The following GRM3 variants were observed in gnomAD, a reference collection of about 807,000 sequenced individuals.
The protein encoded by GRM3 is metabotropic glutamate receptor 3.
In GRM3, 26 loss-of-function variants were observed where a neutral mutation model predicts 70.5. The observed-to-expected ratio is 0.37, with a 90% CI of 0.27 to 0.51. The LOEUF (loss-of-function observed/expected upper bound fraction) is 0.51. GRM3 is among the 20% of genes least tolerant of loss of function. GRM3 has a pLI of 0.93. For missense variants in GRM3, 859 were observed against 1,123.8 expected (o/e 0.76, Z 3.37); for synonymous variants, 443 against 434.9 (o/e 1.02, Z -0.23).
At chr7:86,774,726 C>T (rs1796842450) in intron 2 of GRM3, among the ~76,000 whole-genome samples, 2 of 152,092 alleles carry the variant, frequency 1.3e-5, no homozygotes, top group African/African-American at 2.4e-5. Context: ...TTCCCAGGCA[C>T]AGTGCCTCCA....
At chr7:86,767,156 G>A (rs1796618857) in intron 2 of GRM3, among the ~76,000 whole-genome samples, 1 of 151,868 alleles carries the variant, frequency 6.6e-6, no homozygotes, top group Non-Finnish European at 1.5e-5. Context: ...AGATTGCAGT[G>A]AGCCAAGATC....
At chr7:86,670,183 A>G (rs1794135635) in intron 1 of GRM3, among the ~76,000 whole-genome samples, 1 of 152,220 alleles carries the variant, frequency 6.6e-6, no homozygotes, top group African/African-American at 2.4e-5. Context: ...ACTAAGGCCT[A>G]CAAAAATTTG....
intron 2 of GRM3, among the ~76,000 whole-genome samples, chr7:86,767,795 C>T (rs1796644905): frequency 6.6e-6 from 1 of 151,820 alleles, no homozygotes; most frequent in South Asian, 2.1e-4. Context: ...AAACTGTGCC[C>T]TGCAAATGGC....
intron 3 of GRM3, among the ~76,000 whole-genome samples, chr7:86,810,205 T>A: frequency 6.6e-6 from 1 of 151,994 alleles, no homozygotes; most frequent in East Asian, 1.9e-4. Context: ...GTTTACTCAA[T>A]CTCATTCTTT....
At chr7:86,703,744 C>G (rs1418800500) in intron 1 of GRM3, among the ~76,000 whole-genome samples, 1 of 151,926 alleles carries the variant, frequency 6.6e-6, no homozygotes, top group Non-Finnish European at 1.5e-5. Flanking sequence ...ACGGCACAGT[C>G]AGAACATCAG....
intron 2 of GRM3, among the ~76,000 whole-genome samples, chr7:86,769,803 T>C (rs1159939170): frequency 6.6e-6 from 1 of 152,148 alleles, no homozygotes; most frequent in African/African-American, 2.4e-5. Context: ...ACAACAGTAT[T>C]GATTTCTTAA....
chr7:86,689,760 C>A (rs1794654944), intron 1 of GRM3, among the ~76,000 whole-genome samples: 1 of 152,020 alleles, frequency 6.6e-6, no homozygotes, highest in African/African-American at 2.4e-5. Flanking sequence ...CCTTGATGGA[C>A]AAAACATTAC....
In GRM3 at chr7:86,765,481, T is replaced by C; in HGVS notation, c.336T>C (p.Phe112=). 1 of 1,613,952 alleles carries C rather than the reference T, an allele frequency of 6.2e-7. No individual in the cohort carries two copies. The highest frequency in any genetic ancestry group is 8.5e-7 in the Non-Finnish European group (1 of 1,179,900). ...ATGCATTGGAGCAATCACTGGAGTT[T>C]GTCAGGGCATCTTTGACAAAAGTGG... is the stretch of plus-strand genomic sequence containing the variant. ...DTYALEQSLE[F]VRASLTKVDE... Residue 112 remains phenylalanine (F), a synonymous_variant, in exon 2 of 6, where the codon TTT becomes TTC. Coordinates refer to ENST00000361669, the MANE Select transcript of GRM3 (RefSeq NM_000840.3).
intron 1 of GRM3, among the ~76,000 whole-genome samples, chr7:86,741,750 C>T (rs966249171): frequency 6.6e-6 from 1 of 152,050 alleles, no homozygotes; most frequent in Non-Finnish European, 1.5e-5. Context: ...TCAAAATATC[C>T]AGCTCTGGAA....
chr7:86,813,553 A>T (rs1797956275), intron 3 of GRM3, among the ~76,000 whole-genome samples: 1 of 151,790 alleles, frequency 6.6e-6, no homozygotes, highest in Non-Finnish European at 1.5e-5. Context: ...AGTTCACCTT[A>T]GCATGCTAGC....
intron 1 of GRM3, among the ~76,000 whole-genome samples, chr7:86,724,210 T>C (rs1006441006): frequency 2.6e-5 from 4 of 152,052 alleles, no homozygotes; most frequent in Non-Finnish European, 5.9e-5. Context: ...AGAATGCTCT[T>C]ATCATTCTTG....
rs549722160 is a variant in GRM3 at position 86,688,733 on chromosome 7, G to GAT, written c.-141+43872_-141+43873dup. ...TATGATATATATCTCTTACATATAT[G>GAT]ATATATATATATCGTATATATATAT... On this transcript the variant is annotated intron_variant, in intron 1 of 5. Transcript: ENST00000361669. Among the ~76,000 whole-genome samples, 1,088 of 145,680 alleles carry GAT rather than the reference G, an allele frequency of 7.5e-3. 13 individuals are homozygous for GAT. The highest frequency in any genetic ancestry group is 0.022 in the African/African-American group (894 of 39,818).
At chr7:86,712,233 G>C (rs953001710) in intron 1 of GRM3, among the ~76,000 whole-genome samples, 2 of 151,916 alleles carry the variant, frequency 1.3e-5, no homozygotes, top group Non-Finnish European at 2.9e-5. Flanking sequence ...AGCTGTATTT[G>C]TAAGCCATTC....
At chr7:86,698,792 G>C (rs1794888133) in intron 1 of GRM3, among the ~76,000 whole-genome samples, 1 of 152,004 alleles carries the variant, frequency 6.6e-6, no homozygotes, top group African/African-American at 2.4e-5. Context: ...AAGGGCCATA[G>C]CAGCAGTAGC....
At chr7:86,663,107 C>T (rs946504643) in intron 1 of GRM3, among the ~76,000 whole-genome samples, 2 of 151,706 alleles carry the variant, frequency 1.3e-5, no homozygotes, top group Non-Finnish European at 2.9e-5. Flanking sequence ...TATCTAGTAA[C>T]AGAGACCATT....
At position 86,758,327 on chromosome 7, in the gene GRM3, G is replaced by T. The variant is rs551701223; in HGVS notation, c.-140-6679G>T. Among the ~76,000 whole-genome samples the T allele has an allele frequency of 6.4e-4, 97 of 152,238 alleles. 1 individual carries two copies. Among genetic ancestry groups the T allele is most frequent in the African/African-American group, 1.9e-3 (79 of 41,548 alleles). ...CATTTTGTCCAGAGCTAGAGAGAAAGCTTTTGAGAAATCCAGTTTCTACAC... is the reference window on the plus strand; with the variant it reads ...CATTTTGTCCAGAGCTAGAGAGAAATCTTTTGAGAAATCCAGTTTCTACAC... On this transcript the variant is annotated intron_variant, in intron 1 of 5. Transcript: ENST00000361669.
chr7:86,766,700 T>A (rs1193841608), intron 2 of GRM3, among the ~76,000 whole-genome samples: 1 of 152,118 alleles, frequency 6.6e-6, no homozygotes, highest in African/African-American at 2.4e-5. Flanking sequence ...AAGTTTAGTA[T>A]TTTTTCTGAT....
At chr7:86,663,011 A>G (rs1453816191) in intron 1 of GRM3, among the ~76,000 whole-genome samples, 1 of 152,022 alleles carries the variant, frequency 6.6e-6, no homozygotes, top group Non-Finnish European at 1.5e-5. Flanking sequence ...AAAGAAATAT[A>G]TCTTAATACA....
At chr7:86,787,649 A>G (rs1033130858) in intron 3 of GRM3, among the ~76,000 whole-genome samples, 6 of 152,206 alleles carry the variant, frequency 3.9e-5, no homozygotes, top group African/African-American at 1.4e-4. Flanking sequence ...ATTTCTAGGC[A>G]TTCCGTTTAT....
Sources: gnomAD v4.1 joint callset for allele counts (sites outside exome capture counted in the v4.1 genomes callset) on GRCh38, gnomAD v4.1.1 for gene constraint, MANE v1.5 for transcripts, NCBI Gene and HGNC (gene_info 2026-07-23, HGNC 2026-07-21) for gene names.